The following BBS9 variants were observed in gnomAD, a reference collection of about 807,000 sequenced individuals.
BBS9 encodes Bardet-Biedl syndrome 9.
In BBS9, 89 loss-of-function variants were observed where a neutral mutation model predicts 117.7. The ratio of observed to expected loss-of-function variants is 0.76; its 90% CI spans 0.64 to 0.90. The LOEUF is 0.90. BBS9 is among the 40% of genes least tolerant of loss of function. The probability of loss-of-function intolerance (pLI) is 0.00; values close to 1 mark genes in which losing one functional copy is unlikely to be tolerated. For synonymous variants in BBS9, 379 were observed against 370.9 expected, an observed-to-expected ratio of 1.02 and a Z score of -0.25; for missense variants, 982 against 1,042.2, an observed-to-expected ratio of 0.94 and a Z score of 0.80.
intron 19 of BBS9, among the ~76,000 whole-genome samples, chr7:33,422,523 A>G (rs1032232624): frequency 4.6e-5 from 7 of 152,208 alleles, no homozygotes; most frequent in African/African-American, 1.7e-4. Context: ...TTGGCTAAGT[A>G]GTAAAATAGT....
In BBS9 at chr7:33,357,983, A is replaced by T; in HGVS notation, c.1681A>T (p.Ser561Cys). Residue 561 changes from serine to cysteine, a missense_variant, in exon 16 of 23, where the codon AGT becomes TGT. Ser to Cys is a moderately radical substitution (Grantham distance 112). Transcript: ENST00000242067. ...DTNKSPVSLLSLFPGFASQSD... is the reference protein window; with the variant it reads ...DTNKSPVSLLCLFPGFASQSD... ...CAACAAATCTCCAGTCAGTCTTCTT[A>T]GTCTCTTCCCAGGTAAGACTGTTGA... The T allele has an allele frequency of 6.2e-7, 1 of 1,612,298 alleles. No homozygotes were observed. Among genetic ancestry groups the T allele is most frequent in the Non-Finnish European group, 8.5e-7 (1 of 1,178,812 alleles).
At chr7:33,177,402 G>A (rs1009533507) in intron 4 of BBS9, 76 bp from the exon 5 acceptor site, 29 of 936,464 alleles carry the variant, frequency 3.1e-5, no homozygotes, top group South Asian at 2.3e-4. Context: ...ACTTAGAATC[G>A]GAGTAGTGGA....
chr7:33,244,145 G>T (rs1232382606), intron 5 of BBS9, among the ~76,000 whole-genome samples: 2 of 152,174 alleles, frequency 1.3e-5, no homozygotes, highest in South Asian at 4.1e-4. Context: ...CAGGAGAATT[G>T]CCTGAACCCG....
chr7:33,444,807 G>T (rs903624021), intron 19 of BBS9, among the ~76,000 whole-genome samples: 1 of 152,154 alleles, frequency 6.6e-6, no homozygotes, highest in Non-Finnish European at 1.5e-5. Flanking sequence ...TGGTGGAGAG[G>T]ACATGCCCAG....
intron 19 of BBS9, among the ~76,000 whole-genome samples, chr7:33,479,564 A>G (rs1584969213): frequency 6.6e-6 from 1 of 152,172 alleles, no homozygotes; most frequent in South Asian, 2.1e-4. Context: ...ATAGCATTGC[A>G]GTGAATATAT....
At chr7:33,202,164 A>G (rs950009223) in intron 5 of BBS9, among the ~76,000 whole-genome samples, 20 of 152,160 alleles carry the variant, frequency 1.3e-4, no homozygotes, top group African/African-American at 3.6e-4. Context: ...CTCTGTCTCA[A>G]TTTCCTACAA....
At chr7:33,145,192 CT>C (rs766030115) in intron 1 of BBS9, among the ~76,000 whole-genome samples, 42 of 152,200 alleles carry the variant, frequency 2.8e-4, no homozygotes, top group Non-Finnish European at 4.9e-4. Flanking sequence ...TACAGAATAA[CT>C]TTCGTGAATA....
intron 19 of BBS9, among the ~76,000 whole-genome samples, chr7:33,411,361 G>A (rs1334129587): frequency 6.6e-6 from 1 of 152,144 alleles, no homozygotes; most frequent in East Asian, 1.9e-4. Context: ...TTCTTGACAA[G>A]GTTTCAACAC....
At chr7:33,152,645 G>C in intron 2 of BBS9, 56 bp from the exon 3 acceptor site, 1 of 1,492,838 alleles carries the variant, frequency 6.7e-7, no homozygotes, top group South Asian at 1.2e-5. Flanking sequence ...TATTTCCTAA[G>C]AGATTTGCTA....
intron 16 of BBS9, 27 bp from the exon 17 acceptor site, chr7:33,367,740 A>G (rs1249029409): frequency 1.2e-6 from 2 of 1,602,782 alleles, no homozygotes; most frequent in African/African-American, 2.7e-5. Flanking sequence ...CTGGTTACAT[A>G]AGGTGATTTC....
In BBS9 at chr7:33,383,717, A is replaced by G. The variant is rs1825501129; in HGVS notation, c.1841A>G (p.Asn614Ser). Residue 614 changes from asparagine (N) to serine (S), a missense_variant, in exon 18 of 23, where the codon AAT becomes AGT. Asn to Ser is a conservative substitution (Grantham distance 46, BLOSUM62 1). Transcript: ENST00000242067. ...EQFEDLWLIT[N>S]ELILRLQEYF... ...TTTGAAGATCTTTGGCTCATAACCA[A>G]TGAGCTTATTCTTCGCCTTCAAGAA... 2 of 1,611,742 alleles carry G rather than the reference A, an allele frequency of 1.2e-6. No homozygotes were observed. Among genetic ancestry groups the G allele is most frequent in the Non-Finnish European group, 1.7e-6 (2 of 1,178,754 alleles).
intron 21 of BBS9, 53 bp from the exon 22 acceptor site, chr7:33,604,812 G>C (rs957276206): frequency 1.6e-6 from 2 of 1,233,272 alleles, no homozygotes; most frequent in Non-Finnish European, 2.4e-6. Flanking sequence ...GCTGTGTAGA[G>C]AGGCAGATTT....
chr7:33,350,430 A>G (rs192622312), intron 13 of BBS9, among the ~76,000 whole-genome samples: 55 of 152,244 alleles, frequency 3.6e-4, no homozygotes, highest in Middle Eastern at 3.4e-3. Flanking sequence ...TAAATAATTT[A>G]TTTTTTCCAT....
intron 5 of BBS9, among the ~76,000 whole-genome samples, chr7:33,244,088 G>C (rs2128288698): frequency 6.6e-6 from 1 of 152,220 alleles, no homozygotes; most frequent in East Asian, 1.9e-4. Flanking sequence ...AAATTAGCCA[G>C]AAGTGGTGCC....
intron 19 of BBS9, among the ~76,000 whole-genome samples, chr7:33,434,278 T>TA (rs36043262): frequency 0.019 from 2,460 of 132,500 alleles, 29 homozygotes; most frequent in South Asian, 0.049. Flanking sequence ...TCCTGTTTGC[T>TA]AAAAAAAAAA....
intron 7 of BBS9, among the ~76,000 whole-genome samples, 172 bp downstream of exon 7, chr7:33,264,546 G>A (rs1798493875): frequency 6.6e-6 from 1 of 152,008 alleles, no homozygotes; most frequent in South Asian, 2.1e-4. Context: ...GTTGAGCAAT[G>A]GAAACACATG....
At chr7:33,167,570 T>A (rs938507091) in intron 4 of BBS9, among the ~76,000 whole-genome samples, 2 of 152,106 alleles carry the variant, frequency 1.3e-5, no homozygotes, top group South Asian at 2.1e-4. Flanking sequence ...GTCCAGCTAA[T>A]TTTTGTATTT....
chr7:33,150,570 T>A (rs552529392), intron 2 of BBS9, among the ~76,000 whole-genome samples: 1 of 152,112 alleles, frequency 6.6e-6, no homozygotes, highest in Admixed American at 6.6e-5. Flanking sequence ...CTGAAGGAGC[T>A]GAGAACCAAA....
At chr7:33,616,593 T>C (rs1439843229) in intron 21 of BBS9, among the ~76,000 whole-genome samples, 2 of 142,376 alleles carry the variant, frequency 1.4e-5, no homozygotes, top group Non-Finnish European at 3.1e-5. Flanking sequence ...AAGAGAAAAA[T>C]AGGAAAAAAA....
Sources: gnomAD v4.1 joint callset for allele counts (sites outside exome capture counted in the v4.1 genomes callset) on GRCh38, gnomAD v4.1.1 for gene constraint, MANE v1.5 for transcripts, NCBI Gene and HGNC (gene_info 2026-07-23, HGNC 2026-07-21) for gene names.